The following RBFOX1 variants were observed in gnomAD, a reference collection of about 807,000 sequenced individuals.
RBFOX1 encodes the protein RNA binding protein fox-1 homolog 1.
A neutral mutation model predicts 57.7 loss-of-function variants in RBFOX1; 8 were observed. That is an observed-to-expected ratio of 0.14 (90% confidence interval 0.08 to 0.25). RBFOX1 has a LOEUF of 0.25. Ranked by LOEUF, RBFOX1 falls within the 10% of genes least tolerant of loss-of-function variation. The pLI is 1.00. For missense variants in RBFOX1, 611 were observed against 548.5 expected, an observed-to-expected ratio of 1.11 and a Z score of -1.14; for synonymous variants, 326 against 222.4, an observed-to-expected ratio of 1.47 and a Z score of -4.15.
intron 1 of RBFOX1, among the ~76,000 whole-genome samples, chr16:5,324,204 T>A (rs981078111): frequency 6.6e-6 from 1 of 152,222 alleles, no homozygotes; most frequent in Non-Finnish European, 1.5e-5. Flanking sequence ...GGCTCATGCC[T>A]GTAATCCCAG....
At chr16:7,411,826 C>T (rs2098428772) in intron 4 of RBFOX1, among the ~76,000 whole-genome samples, 1 of 150,832 alleles carries the variant, frequency 6.6e-6, no homozygotes. Flanking sequence ...TCACTTGAAC[C>T]CAGGAAGCAG....
chr16:7,273,260 T>TCCTC lies in RBFOX1; in HGVS notation c.27+221166_27+221169dup, dbSNP rs1241994167. Among the ~76,000 whole-genome samples, 23 of 121,422 alleles carry TCCTC rather than the reference T, an allele frequency of 1.9e-4. 2 individuals carry two copies. The highest frequency in any genetic ancestry group is 6.3e-4 in the African/African-American group (18 of 28,628). The allele number at this position is 121,422 out of a possible 152,430, so 79.7% of individuals were successfully genotyped here. ...TTCCTTCCTTCCTTCCTTCCTTCCT[T>TCCTC]CCTCCCTTTCTCTTTTTCTCATCTA... On this transcript the variant is annotated intron_variant, in intron 4 of 15. Transcript: ENST00000550418.
chr16:7,037,226 C>G (rs1200589572), intron 3 of RBFOX1, among the ~76,000 whole-genome samples: 2 of 134,954 alleles, frequency 1.5e-5, no homozygotes, highest in Non-Finnish European at 3.1e-5. Flanking sequence ...AGGTCTTAGC[C>G]TCTTTTTTTT....
At chr16:5,346,597 T>A (rs2065145098) in intron 1 of RBFOX1, among the ~76,000 whole-genome samples, 2 of 152,220 alleles carry the variant, frequency 1.3e-5, no homozygotes, top group African/African-American at 4.8e-5. Flanking sequence ...ATTTGCTTTT[T>A]CCTGTATGCA....
rs185969275 is a variant in RBFOX1, at chr16:5,775,809, A to T, written c.319-91494A>T. ...GGAGCTAGCAATGTCCAGATGAAAG[A>T]AAATAATTTCTGACAGTGGAAATGA... On this transcript the variant is annotated intron_variant, in intron 3 of 19. Transcript: ENST00000641259. 1.1e-3 allele frequency among the ~76,000 whole-genome samples: 164 copies of T among 152,368 alleles called. 1 individual carries two copies. Among genetic ancestry groups the T allele is most frequent in the African/African-American group, 3.8e-3 (158 of 41,590 alleles).
intron 3 of RBFOX1, among the ~76,000 whole-genome samples, chr16:7,024,565 C>T (rs1000618420): frequency 3.3e-5 from 5 of 152,120 alleles, no homozygotes; most frequent in Admixed American, 1.3e-4. Context: ...TGTGTAAACA[C>T]TGGGGCAGGT....
intron 3 of RBFOX1, among the ~76,000 whole-genome samples, chr16:6,661,977 T>G (rs1308856698): frequency 6.6e-6 from 1 of 152,164 alleles, no homozygotes; most frequent in Non-Finnish European, 1.5e-5. Flanking sequence ...TCCTGCCATG[T>G]GCAACAAGAT....
chr16:7,137,103 G>T (rs2072238312), intron 4 of RBFOX1, among the ~76,000 whole-genome samples: 1 of 152,202 alleles, frequency 6.6e-6, no homozygotes, highest in Admixed American at 6.5e-5. Context: ...GCCCAGAGAA[G>T]TTAGATAGTC....
At chr16:6,486,009 T>G (rs893751417) in intron 2 of RBFOX1, among the ~76,000 whole-genome samples, 1 of 132,892 alleles carries the variant, frequency 7.5e-6, no homozygotes, top group Non-Finnish European at 1.6e-5. Flanking sequence ...GACCAGCTAA[T>G]TATTTTTCTT....
intron 3 of RBFOX1, among the ~76,000 whole-genome samples, chr16:5,704,966 C>G (rs1432181809): frequency 6.6e-6 from 1 of 152,140 alleles, no homozygotes; most frequent in Non-Finnish European, 1.5e-5. Context: ...AAAACCTGCT[C>G]ATCTCCAAGG....
At chr16:6,068,891 G>C (rs2095800421) in intron 1 of RBFOX1, among the ~76,000 whole-genome samples, 1 of 152,084 alleles carries the variant, frequency 6.6e-6, no homozygotes, top group Non-Finnish European at 1.5e-5. Context: ...TCTTATTTTG[G>C]GGCAGTGAGA....
intron 4 of RBFOX1, among the ~76,000 whole-genome samples, chr16:7,348,291 C>G (rs1045167678): frequency 5.9e-5 from 9 of 152,176 alleles, no homozygotes; most frequent in Admixed American, 1.3e-4. Context: ...CATATATTTT[C>G]TTCCCTAAAT....
At chr16:5,376,450 G>A (rs1012392051) in intron 1 of RBFOX1, among the ~76,000 whole-genome samples, 2 of 152,152 alleles carry the variant, frequency 1.3e-5, no homozygotes, top group Non-Finnish European at 2.9e-5. Context: ...GGTGGGTGGG[G>A]ACCCTGCTCA....
rs542349022 is a variant in RBFOX1, at chr16:6,799,789, C to G, written c.-16+145139C>G. The stretch of plus-strand genomic sequence containing the variant: ...AGCCTTTGGACCGCTGGACTTAACA[C>G]CAGTGGTTTGCTAGAGGCTCTTGGG... On this transcript the variant is annotated intron_variant, in intron 3 of 15. Transcript: ENST00000550418. Among the ~76,000 whole-genome samples the G allele has an allele frequency of 2.0e-5, 3 of 152,046 alleles. No individual in the cohort carries two copies. The South Asian group carries it at 6.2e-4, about 32-fold the overall frequency.
intron 1 of RBFOX1, among the ~76,000 whole-genome samples, chr16:5,293,070 C>T (rs1013230407): frequency 1.3e-5 from 2 of 151,918 alleles, no homozygotes; most frequent in Admixed American, 6.6e-5. Flanking sequence ...CCTGTAATGC[C>T]AGTACTTTGG....
chr16:5,843,890 C>T (rs77800116), intron 3 of RBFOX1, among the ~76,000 whole-genome samples: 19,606 of 152,180 alleles, frequency 0.13, 1,765 homozygotes, highest in Non-Finnish European at 0.18. Flanking sequence ...CTCCAACAAG[C>T]GCACCTGAGT....
At chr16:6,790,066 A>G (rs2082644064) in intron 3 of RBFOX1, among the ~76,000 whole-genome samples, 2 of 139,506 alleles carry the variant, frequency 1.4e-5, no homozygotes, top group South Asian at 4.4e-4. Flanking sequence ...GAGATTTAAT[A>G]AACTTATTTA....
At chr16:7,150,354 C>G (rs1322591400) in intron 4 of RBFOX1, among the ~76,000 whole-genome samples, 1 of 152,148 alleles carries the variant, frequency 6.6e-6, no homozygotes, top group African/African-American at 2.4e-5. Flanking sequence ...AGTGCCCACC[C>G]TACGTTAATG....
chr16:5,759,833 G>A (rs548120712), intron 3 of RBFOX1, among the ~76,000 whole-genome samples: 1 of 152,160 alleles, frequency 6.6e-6, no homozygotes, highest in East Asian at 1.9e-4. Context: ...TCCCTCACCA[G>A]TGCAGGGAAG....
Sources: gnomAD v4.1 joint callset for allele counts (sites outside exome capture counted in the v4.1 genomes callset) on GRCh38, gnomAD v4.1.1 for gene constraint, MANE v1.5 for transcripts, NCBI Gene and HGNC (gene_info 2026-07-23, HGNC 2026-07-21) for gene names.